The following POLD3 variants were observed in gnomAD, a reference collection of about 807,000 sequenced individuals.
POLD3 encodes the protein DNA polymerase delta subunit 3.
Under a neutral mutation model 58.2 loss-of-function variants are expected in POLD3, and 19 were observed. The ratio of observed to expected loss-of-function variants is 0.33; its 90% CI spans 0.23 to 0.48. POLD3 has a LOEUF of 0.48. Among genes scored for constraint, POLD3 ranks in the 20% least tolerant of loss-of-function variants. The pLI is 0.99. For synonymous variants in POLD3, 172 were observed against 193.5 expected (o/e 0.89, Z 0.92); for missense variants, 504 against 545.5 (o/e 0.92, Z 0.76).
chr11:74,663,177 T>C (rs2033226284), intron 4 of POLD3, among the ~76,000 whole-genome samples: 1 of 152,234 alleles, frequency 6.6e-6, no homozygotes, highest in Non-Finnish European at 1.5e-5. Context: ...GGATGATCAC[T>C]GGAAGCTTCT....
chr11:74,607,302 G>A (rs1300010889), intron 3 of POLD3, among the ~76,000 whole-genome samples: 2 of 147,976 alleles, frequency 1.4e-5, no homozygotes, highest in Admixed American at 6.8e-5. Flanking sequence ...TTGCTCTGTC[G>A]CCCAGGCTGG....
intron 7 of POLD3, among the ~76,000 whole-genome samples, chr11:74,624,093 T>A (rs2032353776): frequency 6.6e-6 from 1 of 152,252 alleles, no homozygotes; most frequent in African/African-American, 2.4e-5. Context: ...ATGCAATTTT[T>A]AAAACAATTG....
At position 74,621,061 on chromosome 11, in the gene POLD3, A is replaced by G. The variant is rs535675495; in HGVS notation, c.733+972A>G. On this transcript the variant is annotated intron_variant, in intron 7 of 11. Transcript: ENST00000263681. Reference sequence around the variant, plus strand: ...AAAGTGAATGGAAAATGTGATACTTAAAGGTTACTCGGAAGCATTATTGTA... The same window carrying G: ...AAAGTGAATGGAAAATGTGATACTTGAAGGTTACTCGGAAGCATTATTGTA... Among the ~76,000 whole-genome samples the G allele has an allele frequency of 1.4e-4, 21 of 152,282 alleles. No individual in the cohort carries two copies. The East Asian group carries it at 3.7e-3, about 27-fold the overall frequency.
chr11:74,652,327 G>C (rs1260029720), intron 4 of POLD3, among the ~76,000 whole-genome samples: 1 of 152,216 alleles, frequency 6.6e-6, no homozygotes, highest in East Asian at 1.9e-4. Flanking sequence ...GTTAGGAATA[G>C]AATTACTGTG....
intron 4 of POLD3, among the ~76,000 whole-genome samples, chr11:74,662,434 G>C (rs1340794397): frequency 6.6e-6 from 1 of 152,036 alleles, no homozygotes; most frequent in African/African-American, 2.4e-5. Flanking sequence ...TCTCTTCAAG[G>C]GAATAGGTTT....
At chr11:74,619,484 A>T (rs955394097) in intron 6 of POLD3, among the ~76,000 whole-genome samples, 23 of 152,126 alleles carry the variant, frequency 1.5e-4, no homozygotes, top group African/African-American at 5.6e-4. Context: ...ACGTTTATTG[A>T]ATTTCAACTG....
At chr11:74,626,533 T>C (rs1033856789) in intron 8 of POLD3, among the ~76,000 whole-genome samples, 1 of 152,208 alleles carries the variant, frequency 6.6e-6, no homozygotes, top group African/African-American at 2.4e-5. Flanking sequence ...ATTACACTGA[T>C]TTTAAAATGT....
In POLD3 at chr11:74,642,409, T is replaced by TA; in HGVS notation, c.*1644dup. 1.0e-6 allele frequency: 1 copy of TA among 985,162 alleles called. No homozygotes were observed. Among genetic ancestry groups the TA allele is most frequent in the Non-Finnish European group, 1.2e-6 (1 of 829,646 alleles). 61.0% of individuals were successfully genotyped at this position (985,162 alleles called of 1,614,324 possible). A position where few individuals can be genotyped will look rare whatever the true frequency, so the allele number is the denominator to read the frequency against. On this transcript the variant is annotated 3_prime_UTR_variant, in exon 12 of 12. Transcript: ENST00000263681. Reference sequence around the variant, plus strand: ...TGGAGAGAAATCCCTTTTAAACAGTTACTTTTGTCATTGCCTCTGGTCATT... The same window carrying TA: ...TGGAGAGAAATCCCTTTTAAACAGTTAACTTTTGTCATTGCCTCTGGTCATT...
chr11:74,618,660 G>T lies in POLD3; in HGVS notation c.516G>T (p.Leu172=). 6.2e-7 allele frequency: 1 copy of T among 1,614,102 alleles called. No homozygotes were observed. Among genetic ancestry groups the T allele is most frequent in the South Asian group, 1.1e-5 (1 of 91,062 alleles). The part of the protein sequence containing the change: ...MSSETQANNE[L]TTNGHGPPAS... ...GTGAGACACAAGCCAACAATGAGCT[G>T]ACCACCAATGGTCATGGCCCACCTG... Residue 172 remains leucine, a synonymous_variant, in exon 6 of 12, where the codon CTG becomes CTT. Coordinates refer to ENST00000263681, the MANE Select transcript of POLD3 (RefSeq NM_006591.3).
At chr11:74,652,740 A>G (rs2033082155) in intron 4 of POLD3, 1 of 153,764 alleles carries the variant, frequency 6.5e-6, no homozygotes, top group African/African-American at 2.4e-5. Context: ...AGTAACTCCA[A>G]CTTGGAAAAG....
intron 7 of POLD3, among the ~76,000 whole-genome samples, chr11:74,622,519 A>G (rs1298786325): frequency 6.6e-6 from 1 of 152,192 alleles, no homozygotes. Flanking sequence ...ATTGCTTACA[A>G]AGTTAATTTA....
chr11:74,598,750 C>T (rs548391645), intron 2 of POLD3, among the ~76,000 whole-genome samples: 2 of 152,230 alleles, frequency 1.3e-5, no homozygotes, highest in East Asian at 1.9e-4. Flanking sequence ...TCCAGGTAGT[C>T]GGACTTCTTA....
intron 4 of POLD3, among the ~76,000 whole-genome samples, chr11:74,612,060 G>A (rs2031932180): frequency 6.6e-6 from 1 of 152,184 alleles, no homozygotes; most frequent in South Asian, 2.1e-4. Flanking sequence ...GTTGTACTTT[G>A]TATATAAAGG....
intron 3 of POLD3, among the ~76,000 whole-genome samples, chr11:74,608,841 A>G (rs567145732): frequency 1.3e-5 from 2 of 152,350 alleles, no homozygotes; most frequent in African/African-American, 4.8e-5. Flanking sequence ...TTTACGGAAC[A>G]TGACTTTTTT....
intron 9 of POLD3, among the ~76,000 whole-genome samples, chr11:74,633,054 G>A (rs1346286653): frequency 5.3e-5 from 8 of 152,138 alleles, no homozygotes; most frequent in Non-Finnish European, 1.2e-4. Context: ...CTTAGAGGGT[G>A]TCACTAGGAT....
chr11:74,662,799 A>G (rs1244626968), intron 4 of POLD3, among the ~76,000 whole-genome samples: 2 of 152,180 alleles, frequency 1.3e-5, no homozygotes, highest in African/African-American at 4.8e-5. Context: ...AAGTTTACTT[A>G]GGACCCCAGA....
intron 6 of POLD3, 106 bp from the exon 7 acceptor site, chr11:74,619,911 A>T: frequency 1.2e-6 from 1 of 835,322 alleles, no homozygotes; most frequent in Non-Finnish European, 2.1e-6. Flanking sequence ...TTATATAGAG[A>T]CTATACCATC....
rs536920718 is a variant in POLD3, at chr11:74,650,276, G to C, written c.369+14001G>C. Among the ~76,000 whole-genome samples, 8 of 152,238 alleles carry C rather than the reference G, an allele frequency of 5.3e-5. No homozygotes were observed. The East Asian group carries it at 1.5e-3, about 29-fold the overall frequency. On this transcript the variant is annotated intron_variant, in intron 4 of 4. Transcript: ENST00000524752. Reference sequence around the variant, plus strand: ...AGCACATCAGACTGTCAAAACTGAGGTTCTAACAAAGTGAGGAGGGAGGGC... The same window carrying C: ...AGCACATCAGACTGTCAAAACTGAGCTTCTAACAAAGTGAGGAGGGAGGGC...
At chr11:74,615,339 TAA>T (rs1442828868) in intron 5 of POLD3, among the ~76,000 whole-genome samples, 2 of 152,076 alleles carry the variant, frequency 1.3e-5, no homozygotes, top group African/African-American at 4.8e-5. Flanking sequence ...CCACCAGAGA[TAA>T]GAGTATATGG....
Sources: allele counts gnomAD v4.1 joint callset (sites outside exome capture counted in the v4.1 genomes callset), GRCh38; gene constraint gnomAD v4.1.1; transcripts MANE v1.5; gene names NCBI Gene and HGNC (gene_info 2026-07-23, HGNC 2026-07-21).